PRDM1: variants seen among roughly 807,000 people sequenced by gnomAD.
The protein encoded by PRDM1 is PR/SET domain 1.
PRDM1 carries 13 observed loss-of-function variants against 62.8 expected under a neutral mutation model. That is an observed-to-expected ratio of 0.21 (90% CI 0.13 to 0.33). The LOEUF (loss-of-function observed/expected upper bound fraction) is 0.33, where lower values mean the gene tolerates loss of function less well. Ranked by LOEUF, PRDM1 falls within the 10% of genes least tolerant of loss-of-function variation. The pLI, the probability that PRDM1 is intolerant of heterozygous loss-of-function variation, is 1.00. For synonymous variants in PRDM1, 396 were observed against 417.6 expected (o/e 0.95, Z 0.63); for missense variants, 895 against 1,058.8 (o/e 0.85, Z 2.15).
In PRDM1 at chr6:106,107,335, T is replaced by C; in HGVS notation, c.2327T>C (p.Leu776Ser). Reference protein sequence around the residue: ...EKEETGLKVSLQRNMGNGLLS... With the variant: ...EKEETGLKVSSQRNMGNGLLS... ...GAAGAAACTGGCCTGAAAGTGTCTT[T>C]GCAAAGAAACATGGGGAATGGACTC... The change falls in exon 7 of 7, where the codon TTG (leucine) becomes TCG (serine). Residue 776 changes from leucine to serine, a missense_variant. Physicochemically the swap from Leu to Ser is moderately radical, Grantham distance 145. Transcript: ENST00000369096. 6.2e-7 allele frequency: 1 copy of C among 1,614,130 alleles called. No individual in the cohort carries two copies.
At chr6:106,075,729 C>T (rs1004486684) in intron 1 of PRDM1, among the ~76,000 whole-genome samples, 2 of 151,986 alleles carry the variant, frequency 1.3e-5, no homozygotes, top group African/African-American at 4.8e-5. Flanking sequence ...TTTTCTTTCT[C>T]TTCTTTTTTA....
chr6:106,083,400 G>GA (rs572001828), upstream of PRDM1, among the ~76,000 whole-genome samples: 3 of 150,410 alleles, frequency 2.0e-5, no homozygotes, highest in Non-Finnish European at 3.0e-5. Flanking sequence ...AGTTCCTTTC[G>GA]AAAAAAAAAA....
At chr6:106,076,849 T>C (rs1477685620) in intron 1 of PRDM1, among the ~76,000 whole-genome samples, 1 of 152,214 alleles carries the variant, frequency 6.6e-6, no homozygotes, top group Non-Finnish European at 1.5e-5. Flanking sequence ...ACCTAATTAC[T>C]GTGGGTGGAG....
chr6:106,069,575 C>T (rs924302743), intron 1 of PRDM1, among the ~76,000 whole-genome samples: 8 of 152,220 alleles, frequency 5.3e-5, no homozygotes, highest in African/African-American at 1.9e-4. Context: ...CATCGCCTCA[C>T]TCTTCTATGG....
At chr6:106,008,741 T>C (rs962705334) in intron 1 of PRDM1, among the ~76,000 whole-genome samples, 5 of 152,190 alleles carry the variant, frequency 3.3e-5, no homozygotes, top group Non-Finnish European at 7.3e-5. Context: ...ACACTGGCTC[T>C]TTATCCCCGT....
intron 1 of PRDM1, among the ~76,000 whole-genome samples, chr6:106,002,182 C>T (rs1405649161): frequency 2.0e-5 from 3 of 151,962 alleles, no homozygotes; most frequent in Admixed American, 6.6e-5. Flanking sequence ...GCCAGGTAAT[C>T]GCTTTCTTTT....
At chr6:106,007,557 G>A (rs1271949938) in intron 1 of PRDM1, among the ~76,000 whole-genome samples, 1 of 152,190 alleles carries the variant, frequency 6.6e-6, no homozygotes, top group Non-Finnish European at 1.5e-5. Flanking sequence ...AAAGATGGGG[G>A]TATTGACAAC....
In PRDM1 at chr6:106,088,397, A is replaced by C. The variant is rs202200155; in HGVS notation, c.239A>C (p.Glu80Ala). Reference sequence around the variant, plus strand: ...GATGGCGGTACTTCGGTTCAGGCGGAGGCATCCTTACCAAGGAATCTGCTT... The same window carrying C: ...GATGGCGGTACTTCGGTTCAGGCGGCGGCATCCTTACCAAGGAATCTGCTT... ...GADGGTSVQAEASLPRNLLFK... is the reference protein window; with the variant it reads ...GADGGTSVQAAASLPRNLLFK... Residue 80 changes from glutamate (E) to alanine (A), a missense_variant, in exon 2 of 7, where the codon GAG becomes GCG. Coordinates refer to ENST00000369096, the MANE Select transcript of PRDM1 (RefSeq NM_001198.4). 1.2e-5 allele frequency: 19 copies of C among 1,614,086 alleles called. No homozygotes were observed. The highest frequency in any genetic ancestry group is 1.4e-5 in the Non-Finnish European group (17 of 1,180,054).
At chr6:106,030,661 T>C (rs920873627) in intron 1 of PRDM1, among the ~76,000 whole-genome samples, 7 of 152,206 alleles carry the variant, frequency 4.6e-5, no homozygotes, top group Admixed American at 2.6e-4. Context: ...TTCATAGTTT[T>C]GGGTTTCACA....
At chr6:106,092,013 A>G (rs1210864891) in intron 2 of PRDM1, among the ~76,000 whole-genome samples, 1 of 151,572 alleles carries the variant, frequency 6.6e-6, no homozygotes, top group African/African-American at 2.4e-5. Context: ...AGTAATTTAA[A>G]TGATCTTAAT....
In PRDM1 at chr6:106,106,713, G is replaced by A. The variant is rs2114661021; in HGVS notation, c.1903-198G>A. Among the ~76,000 whole-genome samples the A allele has an allele frequency of 6.6e-6, 1 of 152,262 alleles. No homozygotes were observed. Among genetic ancestry groups the A allele is most frequent in the East Asian group, 1.9e-4 (1 of 5,184 alleles). On this transcript the variant is annotated intron_variant, in intron 6 of 6. Coordinates refer to ENST00000369096, the MANE Select transcript of PRDM1 (RefSeq NM_001198.4). This position sits in a 1 kb window ranked among gnomAD's most constrained non-coding sequence, Gnocchi z 4.4. ...TTCCAGTGGGTGGGAAAATGGTAGG[G>A]GAAATAAACAGCCCCTCGTGTGCTG...
At chr6:106,006,478 A>G (rs1224882262) in intron 1 of PRDM1, among the ~76,000 whole-genome samples, 1 of 148,700 alleles carries the variant, frequency 6.7e-6, no homozygotes, top group African/African-American at 2.4e-5. Context: ...GAGATTCTCA[A>G]CATCATTTAA....
At position 106,100,359 on chromosome 6, in the gene PRDM1, C is replaced by T. The variant is rs75635363; in HGVS notation, c.664+807C>T. ...CTTATTAGCAGTTTTAAAAATTATT[C>T]CTTTTGGTTTAGAAGTTAAGACTAA... On this transcript the variant is annotated intron_variant, in intron 4 of 6. Coordinates refer to ENST00000369096, the MANE Select transcript of PRDM1 (RefSeq NM_001198.4). 3.9e-5 allele frequency: 6 copies of T among 152,230 alleles called. No homozygotes were observed. In the East Asian group the frequency reaches 1.2e-3, roughly 29 times the overall value. The allele number at this position is 152,230 out of a possible 1,614,324, so 9.4% of individuals were successfully genotyped here. A position where few individuals can be genotyped will look rare whatever the true frequency, so the allele number is the denominator to read the frequency against.
upstream of PRDM1, chr6:106,086,207 G>C (rs1045174118): frequency 2.9e-6 from 1 of 339,356 alleles, no homozygotes; most frequent in East Asian, 4.5e-5. Context: ...AGCTCTCGGC[G>C]GCTGTGCTAG....
intron 2 of PRDM1, among the ~76,000 whole-genome samples, chr6:106,090,624 G>A (rs1231483912): frequency 6.6e-6 from 1 of 152,262 alleles, no homozygotes; most frequent in South Asian, 2.1e-4. Context: ...AACTAGTTCC[G>A]GGACAGCAAC....
chr6:106,070,360 TACCTC>T (rs1449873279), intron 1 of PRDM1, among the ~76,000 whole-genome samples: 3 of 152,214 alleles, frequency 2.0e-5, no homozygotes, highest in Non-Finnish European at 2.9e-5. Context: ...TCCAGGGACT[TACCTC>T]AAGCATTCTT....
At chr6:106,047,497 T>A (rs975784657), upstream of PRDM1, among the ~76,000 whole-genome samples, 1 of 152,280 alleles carries the variant, frequency 6.6e-6, no homozygotes. Flanking sequence ...TTGTGTATGG[T>A]TTAGCTAATA....
intron 1 of PRDM1, among the ~76,000 whole-genome samples, chr6:106,021,989 A>C (rs1772701942): frequency 2.0e-5 from 3 of 152,220 alleles, no homozygotes; most frequent in Admixed American, 2.0e-4. Context: ...GATGACAGAG[A>C]AAGTCATTTT....
At chr6:106,044,949 A>G (rs1773050527), upstream of PRDM1, among the ~76,000 whole-genome samples, 1 of 152,232 alleles carries the variant, frequency 6.6e-6, no homozygotes, top group African/African-American at 2.4e-5. Flanking sequence ...TAAATGTAAG[A>G]TAACCCTTAA....
Sources: gnomAD v4.1 joint callset for allele counts (sites outside exome capture counted in the v4.1 genomes callset) on GRCh38, gnomAD v4.1.1 for gene constraint, Gnocchi (gnomAD v3.1) non-coding constraint, MANE v1.5 for transcripts, NCBI Gene and HGNC (gene_info 2026-07-23, HGNC 2026-07-21) for gene names.